SMARCA5: variants seen among roughly 807,000 people sequenced by gnomAD.
SMARCA5 encodes SWI/SNF-related matrix-associated actin-dependent regulator of chromatin subfamily A member 5.
Under a neutral mutation model 140.4 loss-of-function variants are expected in SMARCA5, and 18 were observed. That is an observed-to-expected ratio of 0.13 (90% CI 0.09 to 0.19). The LOEUF (loss-of-function observed/expected upper bound fraction) is 0.19, where lower values mean the gene tolerates loss of function less well. SMARCA5 is among the 10% of genes least tolerant of loss of function. The pLI is 1.00. For synonymous variants in SMARCA5, 449 were observed against 419.6 expected (o/e 1.07, Z -0.86); for missense variants, 606 against 1,276.8 (o/e 0.47, Z 8.01).
chr4:143,537,154 G>A (rs1737324662), intron 11 of SMARCA5, among the ~76,000 whole-genome samples: 1 of 152,138 alleles, frequency 6.6e-6, no homozygotes, highest in South Asian at 2.1e-4. Context: ...TCTGTGTTGT[G>A]TGTTTGGGTA....
At chr4:143,543,484 A>G in intron 14 of SMARCA5, 25 bp from the exon 15 acceptor site, 1 of 1,605,172 alleles carries the variant, frequency 6.2e-7, no homozygotes, top group Non-Finnish European at 8.5e-7. Flanking sequence ...TTCAGTTAAC[A>G]TTATACAACA....
intron 11 of SMARCA5, among the ~76,000 whole-genome samples, chr4:143,537,444 ATGT>A (rs1183264904): frequency 6.6e-6 from 1 of 152,200 alleles, no homozygotes; most frequent in East Asian, 1.9e-4. Flanking sequence ...TATCAAAAGC[ATGT>A]TGTAAGAGTT....
rs551428876 is a variant in SMARCA5 at position 143,541,262 on chromosome 4, T to C, written c.1903+767T>C. 2.0e-4 allele frequency among the ~76,000 whole-genome samples: 30 copies of C among 152,338 alleles called. No individual in the cohort carries two copies. The South Asian group carries it at 3.7e-3, about 19-fold the overall frequency. ...GTGGGAAACTTAATAATTTCAAGTG[T>C]GCATTGGTTTCCTTTGTAACTGCAT... On this transcript the variant is annotated intron_variant, in intron 14 of 23. Transcript: ENST00000283131.
In SMARCA5 at chr4:143,553,199, CA is replaced by C; in HGVS notation, c.*16del. The C allele has an allele frequency of 6.3e-7, 1 of 1,585,870 alleles. No homozygotes were observed. Among genetic ancestry groups the C allele is most frequent in the Non-Finnish European group, 8.7e-7 (1 of 1,154,714 alleles). ...TGAAACTATGAATATGTTTTTGTTT[CA>C]TAATCACTAACTTTAAACCAGTAGT... On this transcript the variant is annotated 3_prime_UTR_variant, in exon 24 of 24. Transcript: ENST00000283131.
intron 3 of SMARCA5, 89 bp from the exon 4 acceptor site, chr4:143,524,278 T>C: frequency 1.2e-6 from 1 of 801,334 alleles, no homozygotes; most frequent in Non-Finnish European, 2.0e-6. Flanking sequence ...TTGTGGAATC[T>C]TGGTCAGCCA....
At chr4:143,545,332 A>G in intron 17 of SMARCA5, 138 bp from the exon 18 acceptor site, 2 of 657,810 alleles carry the variant, frequency 3.0e-6, no homozygotes, top group African/African-American at 1.9e-5. Context: ...TAAAATTAAG[A>G]TATAAATTCA....
At position 143,513,873 on chromosome 4, in the gene SMARCA5, T is replaced by G; in HGVS notation, c.-52T>G. ...ATCCAGGCCTAGGCCTCCCCGTCCA[T>G]CCCCGCCGGACTCGGGCCTCTGGCA... On this transcript the variant is annotated 5_prime_UTR_variant, in exon 1 of 24. Coordinates refer to ENST00000283131, the MANE Select transcript of SMARCA5 (RefSeq NM_003601.4). The G allele has an allele frequency of 6.6e-7, 1 of 1,522,902 alleles. No homozygotes were observed. Among genetic ancestry groups the G allele is most frequent in the Non-Finnish European group, 8.8e-7 (1 of 1,139,764 alleles). The allele number at this position is 1,522,902 out of a possible 1,614,324, so 94.3% of individuals were successfully genotyped here.
In SMARCA5 at chr4:143,555,339, T is replaced by G. The variant is rs1578809367; in HGVS notation, c.*2155T>G. ...TTGCTTCAATCATTACCAAATCTAT[T>G]ATAGCAATCCCCACTGCCACCATAT... On this transcript the variant is annotated 3_prime_UTR_variant, in exon 24 of 24. Transcript: ENST00000283131. 1.4e-6 allele frequency: 1 copy of G among 729,312 alleles called. No individual in the cohort carries two copies. Among genetic ancestry groups the G allele is most frequent in the Non-Finnish European group, 2.5e-6 (1 of 396,810 alleles). 45.2% of individuals were successfully genotyped at this position (729,312 alleles called of 1,614,324 possible).
chr4:143,556,529 A>G lies in SMARCA5; in HGVS notation c.*3345A>G, dbSNP rs1737761463. On this transcript the variant is annotated 3_prime_UTR_variant, in exon 24 of 24. Transcript: ENST00000283131. ...AGGGTAATTTAAACAAAGTAGATTA[A>G]TGACACAAGGTGGATTGATGAACTC... 6.6e-6 allele frequency: 1 copy of G among 152,246 alleles called. No individual in the cohort carries two copies. The highest frequency in any genetic ancestry group is 2.4e-5 in the African/African-American group (1 of 41,464). 9.4% of individuals were successfully genotyped at this position (152,246 alleles called of 1,614,324 possible). A position where few individuals can be genotyped will look rare whatever the true frequency, so the allele number is the denominator to read the frequency against.
Position 143,513,843 on chromosome 4 carries a change from G to A in SMARCA5, c.-82G>A, listed in dbSNP as rs979052083. 3 of 1,437,722 alleles carry A rather than the reference G, an allele frequency of 2.1e-6. No homozygotes were observed. The Admixed American group carries it at 6.5e-5, about 31-fold the overall frequency. The allele number at this position is 1,437,722 out of a possible 1,614,324, so 89.1% of individuals were successfully genotyped here. On this transcript the variant is annotated 5_prime_UTR_variant, in exon 1 of 24. Coordinates refer to ENST00000283131, the MANE Select transcript of SMARCA5 (RefSeq NM_003601.4). Reference sequence around the variant, plus strand: ...CGCTCCTCCACCAGTTTATTGCGACGTAGCATCCAGGCCTAGGCCTCCCCG... The same window carrying A: ...CGCTCCTCCACCAGTTTATTGCGACATAGCATCCAGGCCTAGGCCTCCCCG...
At chr4:143,517,031 G>A (rs961086142) in intron 1 of SMARCA5, among the ~76,000 whole-genome samples, 1 of 152,124 alleles carries the variant, frequency 6.6e-6, no homozygotes, top group Admixed American at 6.5e-5. Flanking sequence ...ATTTAGTTTG[G>A]TTTCATGGTT....
intron 9 of SMARCA5, among the ~76,000 whole-genome samples, chr4:143,533,376 A>C (rs1737237838): frequency 6.6e-6 from 1 of 152,182 alleles, no homozygotes; most frequent in Admixed American, 6.5e-5. Context: ...TACTTGAATA[A>C]AATTTCTAGA....
In SMARCA5 at chr4:143,538,799, C is replaced by T; in HGVS notation, c.1631C>T (p.Ala544Val). The T allele has an allele frequency of 6.2e-7, 1 of 1,613,892 alleles. No homozygotes were observed. Among genetic ancestry groups the T allele is most frequent in the South Asian group, 1.1e-5 (1 of 91,066 alleles). ...PHDERQDSIN[A>V]YNEPNSTKFV... is the part of the protein sequence containing the mutation. ...TTTTATCCATAGGACTCCATCAATGCATACAATGAACCAAACAGCACAAAG... is the reference window on the plus strand; with the variant it reads ...TTTTATCCATAGGACTCCATCAATGTATACAATGAACCAAACAGCACAAAG... Residue 544 changes from alanine to valine, a missense_variant, in exon 13 of 24, where the codon GCA becomes GTA. Ala to Val is a moderately conservative substitution (Grantham distance 64, BLOSUM62 0). This residue lies in a region of SMARCA5 where 68 missense variants were observed against 126.9 expected (regional missense o/e 0.54). Coordinates refer to ENST00000283131, the MANE Select transcript of SMARCA5 (RefSeq NM_003601.4).
At chr4:143,540,943 A>G (rs1401942031) in intron 14 of SMARCA5, among the ~76,000 whole-genome samples, 3 of 152,178 alleles carry the variant, frequency 2.0e-5, no homozygotes, top group Admixed American at 6.5e-5. Context: ...CTTGTCTGCA[A>G]TTTACTGAGT....
chr4:143,514,842 C>T (rs1326570929), intron 1 of SMARCA5, among the ~76,000 whole-genome samples: 1 of 151,060 alleles, frequency 6.6e-6, no homozygotes, highest in African/African-American at 2.4e-5. Context: ...CAGTCCGGCA[C>T]TTTTCTCTTT....
chr4:143,525,971 T>A (rs1737064739), intron 5 of SMARCA5, among the ~76,000 whole-genome samples: 1 of 152,354 alleles, frequency 6.6e-6, no homozygotes, highest in East Asian at 1.9e-4. Context: ...GCTATAATGC[T>A]AAAACGTTTA....
At position 143,513,882 on chromosome 4, in the gene SMARCA5, G is replaced by A; in HGVS notation, c.-43G>A. 1 of 1,529,456 alleles carries A rather than the reference G, an allele frequency of 6.5e-7. No homozygotes were observed. Among genetic ancestry groups the A allele is most frequent in the African/African-American group, 1.4e-5 (1 of 72,500 alleles). 94.7% of individuals were successfully genotyped at this position (1,529,456 alleles called of 1,614,324 possible). ...TAGGCCTCCCCGTCCATCCCCGCCG[G>A]ACTCGGGCCTCTGGCAGCAGCGGGT... is the stretch of plus-strand genomic sequence containing the variant. On this transcript the variant is annotated 5_prime_UTR_variant, in exon 1 of 24. Transcript: ENST00000283131.
intron 23 of SMARCA5, among the ~76,000 whole-genome samples, 179 bp from the exon 24 acceptor site, chr4:143,552,937 AAGT>A (rs3052850): frequency 0.54 from 81,099 of 151,452 alleles, 22,013 homozygotes; most frequent in Middle Eastern, 0.64. Context: ...TAAGTAAAAT[AAGT>A]AGGTAAGATT....
chr4:143,553,322 A>G lies in SMARCA5; in HGVS notation c.*138A>G, dbSNP rs554307064. ...TTCATCTGTTTACTGAGCTAGAAAC[A>G]TAGTATGTAGTTTCACTTTTTTAAA... On this transcript the variant is annotated 3_prime_UTR_variant, in exon 24 of 24. Coordinates refer to ENST00000283131, the MANE Select transcript of SMARCA5 (RefSeq NM_003601.4). 1.7e-6 allele frequency: 1 copy of G among 601,310 alleles called. No individual in the cohort carries two copies. Among genetic ancestry groups the G allele is most frequent in the Admixed American group, 2.9e-5 (1 of 34,110 alleles). 37.2% of individuals were successfully genotyped at this position (601,310 alleles called of 1,614,324 possible). A position where few individuals can be genotyped will look rare whatever the true frequency, so the allele number is the denominator to read the frequency against.
Sources: allele counts gnomAD v4.1 joint callset (sites outside exome capture counted in the v4.1 genomes callset), GRCh38; gene constraint gnomAD v4.1.1; regional missense constraint gnomAD v4.1.1; transcripts MANE v1.5; gene names NCBI Gene and HGNC (gene_info 2026-07-23, HGNC 2026-07-21).